LRRC9: variants seen among roughly 807,000 people sequenced by gnomAD.
LRRC9 encodes leucine rich repeat containing 9, also known as leucine-rich repeat-containing protein 9.
Under a neutral mutation model 63.2 loss-of-function variants are expected in LRRC9, and 122 were observed. The ratio of observed to expected loss-of-function variants is 1.93; its 90% CI spans 1.67 to 2.24. LRRC9 has a LOEUF of 2.24. Among genes scored for constraint, LRRC9 ranks in the 30% most tolerant of loss-of-function variants. The pLI is 0.00. For missense variants in LRRC9, 1,071 were observed against 627.7 expected (o/e 1.71, Z -7.55); for synonymous variants, 366 against 213.1 (o/e 1.72, Z -6.25).
At chr14:59,975,230 T>C (rs1233956956) in intron 13 of LRRC9, among the ~76,000 whole-genome samples, 2 of 145,316 alleles carry the variant, frequency 1.4e-5, no homozygotes, top group Admixed American at 1.4e-4. Context: ...ATTTGGCCCA[T>C]ATATGTGATA....
rs1887483500 is a variant in LRRC9 at position 59,986,447 on chromosome 14, T to TA, written c.2211+1224dup. On this transcript the variant is annotated intron_variant, in intron 17 of 31. Transcript: ENST00000445360. The surrounding 1 kb of genome is among the most constrained non-coding windows in gnomAD (Gnocchi z 4.7). The stretch of plus-strand genomic sequence containing the variant: ...TACTTATTGGCATTAGGTTTAGATT[T>TA]AGTGTTAAACTCACTTCCTTTTTCT... Among the ~76,000 whole-genome samples, 1 of 152,222 alleles carries TA rather than the reference T, an allele frequency of 6.6e-6. No individual in the cohort carries two copies. The highest frequency in any genetic ancestry group is 2.4e-5 in the African/African-American group (1 of 41,464).
At position 59,960,910 on chromosome 14, in the gene LRRC9, A is replaced by G. The variant is rs1400141072; in HGVS notation, c.1080-4A>G. The G allele has an allele frequency of 1.5e-6, 1 of 661,942 alleles. No individual in the cohort carries two copies. The allele number at this position is 661,942 out of a possible 1,614,324, so 41.0% of individuals were successfully genotyped here. A position where few individuals can be genotyped will look rare whatever the true frequency, so the allele number is the denominator to read the frequency against. On this transcript the variant is annotated splice_region_variant and splice_polypyrimidine_tract_variant and intron_variant, in intron 9 of 31. Transcript: ENST00000445360. ...ATAGCTGTATGTATTTTTCTCTCCA[A>G]TAGAATTGAAGCAATTTATCATATT...
exon 3 of LRRC9, chr14:59,928,373 T>C: frequency 1.4e-6 from 1 of 697,702 alleles, no homozygotes. Flanking sequence ...TGGATTATCA[T>C]TATTTCCTAA....
chr14:59,932,680 T>C lies in LRRC9; in HGVS notation c.543+641T>C, dbSNP rs1055627034. On this transcript the variant is annotated intron_variant, in intron 6 of 31. Transcript: ENST00000445360. This position sits in a 1 kb window ranked among gnomAD's most constrained non-coding sequence, Gnocchi z 4.7. ...TACAACTGGGTGCACCTTCAGAATA[T>C]GTCCAGAGTCTGATCACTTCTTACC... Among the ~76,000 whole-genome samples the C allele has an allele frequency of 1.3e-5, 2 of 152,094 alleles. No homozygotes were observed. Among genetic ancestry groups the C allele is most frequent in the Non-Finnish European group, 1.5e-5 (1 of 67,998 alleles).
At chr14:59,959,982 A>G (rs968973352) in exon 9 of LRRC9, 4 of 685,386 alleles carry the variant, frequency 5.8e-6, no homozygotes, top group Admixed American at 4.4e-5. Flanking sequence ...CCTTGAATGA[A>G]AGGGTAACAT....
intron 23 of LRRC9, among the ~76,000 whole-genome samples, chr14:60,009,350 G>A (rs578160047): frequency 6.6e-6 from 1 of 152,288 alleles, no homozygotes; most frequent in South Asian, 2.1e-4. Context: ...GACAAAGGAA[G>A]CGTAAAGTCA....
chr14:60,011,493 T>C (rs219382), intron 23 of LRRC9, among the ~76,000 whole-genome samples: 3 of 152,064 alleles, frequency 2.0e-5, no homozygotes, highest in South Asian at 2.1e-4. Context: ...AAATTTATGA[T>C]TCAATAATAT....
chr14:59,977,204 C>T (rs937985767), intron 13 of LRRC9, 21 bp from the exon 14 acceptor site: 42 of 660,788 alleles, frequency 6.4e-5, no homozygotes, highest in Non-Finnish European at 9.7e-5. Flanking sequence ...TTAAGAATTA[C>T]TTCTGTTTTT....
rs1440765207 is a variant in LRRC9 at position 59,923,626 on chromosome 14, A to G, written c.-34+3743A>G. On this transcript the variant is annotated intron_variant, in intron 1 of 31. Coordinates refer to ENST00000445360, the Ensembl canonical transcript of LRRC9. This position sits in a 1 kb window ranked among gnomAD's most constrained non-coding sequence, Gnocchi z 4.2. ...ACATGAGGTGGGAATTTAAAATATAAATCACAGTAATTAAAACAGATACAG... is the reference window on the plus strand; with the variant it reads ...ACATGAGGTGGGAATTTAAAATATAGATCACAGTAATTAAAACAGATACAG... Among the ~76,000 whole-genome samples the G allele has an allele frequency of 1.3e-5, 2 of 152,210 alleles. No individual in the cohort carries two copies. The highest frequency in any genetic ancestry group is 2.9e-5 in the Non-Finnish European group (2 of 68,038).
In LRRC9 at chr14:59,942,589, G is replaced by C. The variant is rs974302554; in HGVS notation, c.727-2000G>C. On this transcript the variant is annotated intron_variant, in intron 7 of 31. Transcript: ENST00000445360. This position sits in a 1 kb window ranked among gnomAD's most constrained non-coding sequence, Gnocchi z 5.3. ...AAAATACAATAAAAATTAGCCAGGC[G>C]TGGTGGCAGGTGCCTGTAATACCAG... Among the ~76,000 whole-genome samples, 1 of 152,104 alleles carries C rather than the reference G, an allele frequency of 6.6e-6. No individual in the cohort carries two copies. Among genetic ancestry groups the C allele is most frequent in the Non-Finnish European group, 1.5e-5 (1 of 67,992 alleles).
intron 13 of LRRC9, among the ~76,000 whole-genome samples, chr14:59,975,129 A>ATATATATATATG (rs1448143947): frequency 1.8e-4 from 2 of 11,112 alleles, no homozygotes; most frequent in African/African-American, 3.2e-4. Flanking sequence ...ATATATATGT[A>ATATATATATATG]TATATATATA....
At chr14:60,011,727 T>C (rs1455942697) in intron 23 of LRRC9, among the ~76,000 whole-genome samples, 2 of 152,166 alleles carry the variant, frequency 1.3e-5, no homozygotes, top group East Asian at 1.9e-4. Context: ...ATGCATTGGA[T>C]TTGAAGGGCA....
At chr14:59,931,900 A>G (rs1361442043) in intron 5 of LRRC9, 69 bp from the exon 6 acceptor site, 16 of 675,000 alleles carry the variant, frequency 2.4e-5, no homozygotes, top group Non-Finnish European at 3.7e-5. Flanking sequence ...GGCTACATAC[A>G]ACTCAGAAGT....
rs1035042576 is a variant in LRRC9 at position 59,931,757 on chromosome 14, AT to A, written c.472+83del. 6 of 627,818 alleles carry A rather than the reference AT, an allele frequency of 9.6e-6. No homozygotes were observed. The Admixed American group carries it at 1.5e-4, about 15-fold the overall frequency. The allele number at this position is 627,818 out of a possible 1,614,324, so 38.9% of individuals were successfully genotyped here. The stretch of plus-strand genomic sequence containing the variant: ...ATCAATATAAAAAGTACATGCTTAG[AT>A]TTTTTTTCTTTTAGGCTTTTTTCTG... On this transcript the variant is annotated intron_variant, in intron 5 of 31. Coordinates refer to ENST00000445360, the Ensembl canonical transcript of LRRC9.
At chr14:59,956,333 A>G (rs1883749300) in intron 8 of LRRC9, among the ~76,000 whole-genome samples, 1 of 152,104 alleles carries the variant, frequency 6.6e-6, no homozygotes, top group South Asian at 2.1e-4. Context: ...TATTGGGTGC[A>G]TATATATTTA....
intron 10 of LRRC9, 147 bp downstream of exon 10, chr14:59,961,192 C>G: frequency 2.0e-6 from 1 of 490,572 alleles, no homozygotes; most frequent in Non-Finnish European, 3.6e-6. Flanking sequence ...AATTGGCAGG[C>G]ATCTATTGAA....
chr14:59,981,940 G>A, exon 16 of LRRC9: 1 of 702,624 alleles, frequency 1.4e-6, no homozygotes, highest in Non-Finnish European at 2.6e-6. Flanking sequence ...CCAAGGATTT[G>A]AAATTTGATG....
rs1457967483 is a variant in LRRC9, at chr14:60,019,901, C to T, written c.3566+641C>T. 7.3e-5 allele frequency among the ~76,000 whole-genome samples: 11 copies of T among 151,552 alleles called. No homozygotes were observed. In the East Asian group the frequency reaches 9.7e-4, roughly 13 times the overall value. On this transcript the variant is annotated intron_variant, in intron 26 of 31. Coordinates refer to ENST00000445360, the Ensembl canonical transcript of LRRC9. ...TATATATATTTTATAACGTGTATCT[C>T]CAAATCAGAATGCTTTCATTCCAGT... is the stretch of plus-strand genomic sequence containing the variant.
intron 15 of LRRC9, among the ~76,000 whole-genome samples, chr14:59,978,822 G>C (rs558483486): frequency 2.0e-5 from 3 of 152,204 alleles, no homozygotes; most frequent in African/African-American, 4.8e-5. Context: ...AAGGATATAT[G>C]CATCTTAAAT....
Sources: gnomAD v4.1 joint callset for allele counts (sites outside exome capture counted in the v4.1 genomes callset) on GRCh38, gnomAD v4.1.1 for gene constraint, Gnocchi (gnomAD v3.1) non-coding constraint, MANE v1.5 for transcripts, NCBI Gene and HGNC (gene_info 2026-07-23, HGNC 2026-07-21) for gene names.